The following ZBED4 variants were observed in gnomAD, a reference collection of about 807,000 sequenced individuals.
ZBED4 encodes the protein zinc finger BED domain-containing protein 4.
Under a neutral mutation model 15.5 loss-of-function variants are expected in ZBED4, and 4 were observed. That is an observed-to-expected ratio of 0.26 (90% confidence interval 0.13 to 0.59). The LOEUF (loss-of-function observed/expected upper bound fraction) is 0.59, where lower values mean the gene tolerates loss of function less well. Ranked by LOEUF, ZBED4 falls within the 20% of genes least tolerant of loss-of-function variation. The pLI, the probability that ZBED4 is intolerant of heterozygous loss-of-function variation, is 0.90. For synonymous variants in ZBED4, 692 were observed against 608.5 expected (o/e 1.14, Z -2.02); for missense variants, 1,323 against 1,461.8 (o/e 0.91, Z 1.55).
intron 1 of ZBED4, among the ~76,000 whole-genome samples, chr22:49,879,640 C>A (rs901285145): frequency 1.6e-5 from 2 of 124,094 alleles, no homozygotes; most frequent in African/African-American, 5.5e-5. Context: ...AGTGTCTGGG[C>A]GTGTTTCTAT....
At chr22:49,867,949 T>C (rs1308688391) in intron 1 of ZBED4, among the ~76,000 whole-genome samples, 1 of 152,188 alleles carries the variant, frequency 6.6e-6, no homozygotes, top group Non-Finnish European at 1.5e-5. Context: ...GTGTTGAATA[T>C]CTCATGTAAG....
intron 1 of ZBED4, among the ~76,000 whole-genome samples, chr22:49,855,436 C>A (rs1041297175): frequency 2.6e-5 from 4 of 152,190 alleles, no homozygotes; most frequent in African/African-American, 9.7e-5. Context: ...ACCTCCTCCC[C>A]AACCCCCTCC....
Position 49,885,396 on chromosome 22 carries a change from G to T in ZBED4, c.1734G>T (p.Val578=), listed in dbSNP as rs748284131. The T allele has an allele frequency of 1.2e-6, 2 of 1,600,504 alleles. No individual in the cohort carries two copies. Among genetic ancestry groups the T allele is most frequent in the South Asian group, 1.1e-5 (1 of 90,798 alleles). ...GCTCCGCAGACTCCACAAAAGTCGTGTGCTTGCACTGTGGCCGGACCATCA... is the reference window on the plus strand; with the variant it reads ...GCTCCGCAGACTCCACAAAAGTCGTTTGCTTGCACTGTGGCCGGACCATCA... ...SICSADSTKV[V]CLHCGRTISR... is the part of the protein sequence containing the mutation. The change falls in exon 2 of 2, where the codon GTG becomes GTT. Residue 578 remains valine (V), a synonymous_variant. Transcript: ENST00000216268.
intron 1 of ZBED4, among the ~76,000 whole-genome samples, chr22:49,871,759 T>TTATTTA (rs201884350): frequency 6.6e-5 from 1 of 15,096 alleles, no homozygotes; most frequent in Non-Finnish European, 1.9e-4. Flanking sequence ...ATTTATTTAT[T>TTATTTA]TTTTTTTTTT....
At chr22:49,856,632 T>A (rs1041638614) in intron 1 of ZBED4, among the ~76,000 whole-genome samples, 32 of 151,200 alleles carry the variant, frequency 2.1e-4, no homozygotes, top group African/African-American at 7.4e-4. Flanking sequence ...CACACTGGAA[T>A]CCCGGCCGGC....
intron 1 of ZBED4, among the ~76,000 whole-genome samples, chr22:49,881,731 T>G (rs963601124): frequency 1.3e-5 from 2 of 152,094 alleles, no homozygotes; most frequent in African/African-American, 4.8e-5. Context: ...CAGGGTCTTG[T>G]TTTTTTGCCC....
In ZBED4 at chr22:49,883,669, A is replaced by G. The variant is rs1195544946; in HGVS notation, c.7A>G (p.Asn3Asp). ME[N>D]NLKTCPKEDG... ...GGAGTAGTTATGGTCAGTCATGGAG[A>G]ATAACTTGAAAACTTGTCCCAAAGA... Residue 3 changes from asparagine (N) to aspartate (D), a missense_variant, in exon 2 of 2, where the codon AAT (asparagine) becomes GAT (aspartate). Physicochemically the swap from Asn to Asp is conservative, Grantham distance 23. This residue lies in a region of ZBED4 where 380 missense variants were observed against 413.7 expected (regional missense o/e 0.92). Transcript: ENST00000216268. 1 of 1,577,216 alleles carries G rather than the reference A, an allele frequency of 6.3e-7. No homozygotes were observed. The highest frequency in any genetic ancestry group is 8.6e-7 in the Non-Finnish European group (1 of 1,156,630).
At chr22:49,863,233 T>G (rs2060305374) in intron 1 of ZBED4, among the ~76,000 whole-genome samples, 1 of 152,120 alleles carries the variant, frequency 6.6e-6, no homozygotes. Context: ...TGGCCCAGGA[T>G]GGAGTGCAGT....
chr22:49,865,723 G>A (rs1192610554), intron 1 of ZBED4, among the ~76,000 whole-genome samples: 1 of 152,010 alleles, frequency 6.6e-6, no homozygotes, highest in African/African-American at 2.4e-5. Flanking sequence ...TTTTGGTTGA[G>A]GTTTGCTCTC....
At chr22:49,870,496 T>C (rs1207529004) in intron 1 of ZBED4, among the ~76,000 whole-genome samples, 1 of 152,200 alleles carries the variant, frequency 6.6e-6, no homozygotes, top group East Asian at 1.9e-4. Context: ...TGTTATTTTT[T>C]TCTTTTTTTA....
In ZBED4 at chr22:49,886,957, G is replaced by A; in HGVS notation, c.3295G>A (p.Asp1099Asn). 6.2e-7 allele frequency: 1 copy of A among 1,614,070 alleles called. No individual in the cohort carries two copies. Among genetic ancestry groups the A allele is most frequent in the Non-Finnish European group, 8.5e-7 (1 of 1,180,014 alleles). Residue 1099 changes from aspartate (D) to asparagine (N), a missense_variant, in exon 2 of 2, where the codon GAC becomes AAC. Asp to Asn is a conservative substitution (Grantham distance 23). Transcript: ENST00000216268. This position sits in a 1 kb window ranked among gnomAD's most constrained non-coding sequence, Gnocchi z 7.7. The part of the protein sequence containing the change: ...LEEEVLEHSC[D>N]PLTYWNLKKA... ...GGAGGAGGTGCTTGAACACAGCTGT[G>A]ACCCGCTCACCTACTGGAACCTGAA...
chr22:49,859,192 C>T (rs1464088970), intron 1 of ZBED4, among the ~76,000 whole-genome samples: 3 of 152,048 alleles, frequency 2.0e-5, no homozygotes. Flanking sequence ...GTCTGTGTTT[C>T]CCTTCTTTGT....
intron 1 of ZBED4, among the ~76,000 whole-genome samples, chr22:49,861,839 G>A (rs779401459): frequency 1.3e-5 from 2 of 152,304 alleles, no homozygotes; most frequent in South Asian, 4.1e-4. Flanking sequence ...TGACGTTGCC[G>A]TGTGTTGCAT....
intron 1 of ZBED4, among the ~76,000 whole-genome samples, chr22:49,862,735 T>C (rs1402088933): frequency 7.2e-6 from 1 of 138,624 alleles, no homozygotes; most frequent in Non-Finnish European, 1.5e-5. Flanking sequence ...TAAGTCTTGC[T>C]CTGTCGCCCA....
intron 1 of ZBED4, among the ~76,000 whole-genome samples, chr22:49,859,128 T>C (rs1322638058): frequency 6.6e-6 from 1 of 152,204 alleles, no homozygotes; most frequent in Non-Finnish European, 1.5e-5. Flanking sequence ...CCAGAACCTG[T>C]GGGCAGTGGC....
intron 1 of ZBED4, among the ~76,000 whole-genome samples, chr22:49,864,950 C>CCGCCCG (rs1555922816): frequency 1.3e-5 from 1 of 74,736 alleles, no homozygotes; most frequent in East Asian, 4.2e-4. Flanking sequence ...CCCCCCCCCC[C>CCGCCCG]CCGTGAAGTC....
intron 1 of ZBED4, among the ~76,000 whole-genome samples, chr22:49,866,873 C>T (rs2060324426): frequency 6.6e-6 from 1 of 152,224 alleles, no homozygotes; most frequent in African/African-American, 2.4e-5. Context: ...ATGCTGGCGG[C>T]TCTTGAACGG....
intron 1 of ZBED4, among the ~76,000 whole-genome samples, chr22:49,876,469 T>C (rs2060376938): frequency 6.6e-6 from 1 of 152,238 alleles, no homozygotes; most frequent in African/African-American, 2.4e-5. Context: ...TATATGCACC[T>C]TTGGGAGAAT....
At chr22:49,867,694 C>T (rs2060328545) in intron 1 of ZBED4, among the ~76,000 whole-genome samples, 1 of 152,156 alleles carries the variant, frequency 6.6e-6, no homozygotes, top group Non-Finnish European at 1.5e-5. Context: ...CGCTTGATGA[C>T]ATCTTTCTTT....
Sources: allele counts gnomAD v4.1 joint callset (sites outside exome capture counted in the v4.1 genomes callset), GRCh38; gene constraint gnomAD v4.1.1; regional missense constraint gnomAD v4.1.1; non-coding constraint Gnocchi (gnomAD v3.1); transcripts MANE v1.5; gene names NCBI Gene and HGNC (gene_info 2026-07-23, HGNC 2026-07-21).